PCNX1: variants seen among roughly 807,000 people sequenced by gnomAD.
PCNX1 encodes the protein pecanex-like protein 1.
Under a neutral mutation model 242.2 loss-of-function variants are expected in PCNX1, and 78 were observed. The ratio of observed to expected loss-of-function variants is 0.32; its 90% confidence interval spans 0.27 to 0.39. The LOEUF is 0.39. Among genes scored for constraint, PCNX1 ranks in the 10% least tolerant of loss-of-function variants. PCNX1 has a pLI of 1.00. For synonymous variants in PCNX1, 1,024 were observed against 1,032.9 expected, an observed-to-expected ratio of 0.99 and a Z score of 0.17; for missense variants, 2,581 against 2,856.5, an observed-to-expected ratio of 0.90 and a Z score of 2.20.
intron 26 of PCNX1, among the ~76,000 whole-genome samples, chr14:71,059,381 A>G (rs2061266056): frequency 6.6e-6 from 1 of 151,658 alleles, no homozygotes; most frequent in Admixed American, 6.6e-5. Context: ...TAACTCAGAC[A>G]TTAGCATTTT....
At position 70,977,691 on chromosome 14, in the gene PCNX1, G is replaced by A; in HGVS notation, c.1354G>A (p.Glu452Lys). 4 of 1,614,146 alleles carry A rather than the reference G, an allele frequency of 2.5e-6. No homozygotes were observed. Among genetic ancestry groups the A allele is most frequent in the Non-Finnish European group, 3.4e-6 (4 of 1,180,034 alleles). Residue 452 changes from glutamate (E) to lysine (K), a missense_variant, in exon 6 of 36, where the codon GAA (glutamate) becomes AAA (lysine). Around this residue, in one of 9 missense-constraint regions of PCNX1, gnomAD observed 1,204 missense variants for 1,216.7 expected, o/e 0.99. Transcript: ENST00000304743. ...TGCCAGTGACAAAAGGACTAGCAGT[G>A]AAAAGATTGCTATGGAAGCGAGTAC... ...SCASDKRTSS[E>K]KIAMEASTNS...
chr14:70,921,525 T>C (rs1165697120), intron 1 of PCNX1, among the ~76,000 whole-genome samples: 3 of 152,138 alleles, frequency 2.0e-5, no homozygotes, highest in Non-Finnish European at 4.4e-5. Context: ...AGAATAAAGA[T>C]AGCTAATCTT....
At chr14:71,020,600 T>C (rs1477061207) in intron 12 of PCNX1, among the ~76,000 whole-genome samples, 1 of 152,244 alleles carries the variant, frequency 6.6e-6, no homozygotes. Flanking sequence ...GTTCATATCC[T>C]TCACCCACTT....
At chr14:71,076,977 G>A (rs2061733693) in intron 28 of PCNX1, among the ~76,000 whole-genome samples, 1 of 152,120 alleles carries the variant, frequency 6.6e-6, no homozygotes, top group Non-Finnish European at 1.5e-5. Flanking sequence ...TACCATATTA[G>A]ACAGTGTGCA....
intron 1 of PCNX1, among the ~76,000 whole-genome samples, chr14:70,910,551 TGGC>T (rs2055854431): frequency 1.3e-5 from 2 of 152,132 alleles, no homozygotes; most frequent in African/African-American, 4.8e-5. Flanking sequence ...GATACCTGTG[TGGC>T]TGCTCCACTT....
intron 5 of PCNX1, among the ~76,000 whole-genome samples, chr14:70,969,658 C>A (rs554031174): frequency 5.9e-5 from 9 of 152,288 alleles, no homozygotes; most frequent in African/African-American, 2.2e-4. Flanking sequence ...CCCTATCTAA[C>A]CCTATATCCC....
Position 70,907,803 on chromosome 14 carries a change from C to A in PCNX1, c.-48C>A. ...GACCGAGGCCGAGCTGGGGCCGGGGCGGGGACGGCGGCGGCGGCGGCGGCG... is the reference window on the plus strand; with the variant it reads ...GACCGAGGCCGAGCTGGGGCCGGGGAGGGGACGGCGGCGGCGGCGGCGGCG... On this transcript the variant is annotated 5_prime_UTR_variant, in exon 1 of 36. Transcript: ENST00000304743. 8.2e-7 allele frequency: 1 copy of A among 1,220,544 alleles called. No individual in the cohort carries two copies. Among genetic ancestry groups the A allele is most frequent in the Non-Finnish European group, 1.0e-6 (1 of 979,872 alleles). 75.6% of individuals were successfully genotyped at this position (1,220,544 alleles called of 1,614,324 possible).
intron 26 of PCNX1, among the ~76,000 whole-genome samples, chr14:71,066,361 T>C (rs922159867): frequency 6.6e-6 from 1 of 152,232 alleles, no homozygotes; most frequent in Non-Finnish European, 1.5e-5. Context: ...AGGTATTTTA[T>C]TCTCTTTGTA....
Position 71,036,078 on chromosome 14 carries a change from A to C in PCNX1, c.3788A>C (p.Gln1263Pro). The C allele has an allele frequency of 1.2e-6, 2 of 1,600,216 alleles. No individual in the cohort carries two copies. Among genetic ancestry groups the C allele is most frequent in the Non-Finnish European group, 1.7e-6 (2 of 1,167,620 alleles). The change falls in exon 19 of 36, where the codon CAG becomes CCG. Residue 1263 changes from glutamine to proline, a missense_variant. By Grantham distance (76) the Gln-to-Pro change is moderately conservative. Transcript: ENST00000304743. ...KLRNSVSERL[Q>P]SDLVVCIVIG... The stretch of plus-strand genomic sequence containing the variant: ...TTTTCCCCACAGAGTGAGCGATTAC[A>C]GTCTGACCTGGTAGTATGCATTGTA...
intron 28 of PCNX1, among the ~76,000 whole-genome samples, chr14:71,084,507 C>T (rs1020327223): frequency 2.0e-5 from 3 of 152,172 alleles, no homozygotes; most frequent in Non-Finnish European, 4.4e-5. Context: ...ATCTATAAGC[C>T]GCTGACTGGG....
At chr14:71,104,478 A>G (rs556613521) in intron 32 of PCNX1, among the ~76,000 whole-genome samples, 8 of 152,164 alleles carry the variant, frequency 5.3e-5, no homozygotes, top group Non-Finnish European at 1.0e-4. Flanking sequence ...AGAGTGCCCA[A>G]TTGTCCTCGT....
intron 26 of PCNX1, among the ~76,000 whole-genome samples, chr14:71,065,581 C>T (rs796921899): frequency 2.6e-5 from 4 of 152,318 alleles, no homozygotes; most frequent in African/African-American, 9.6e-5. Context: ...CCTGCTCACT[C>T]TAATGATAGT....
At position 71,070,323 on chromosome 14, in the gene PCNX1, TCCTC is replaced by T. The variant is rs869110065; in HGVS notation, c.4853-3219_4853-3216del. Among the ~76,000 whole-genome samples, 25 of 152,310 alleles carry T rather than the reference TCCTC, an allele frequency of 1.6e-4. 3 individuals are homozygous for T. The highest frequency in any genetic ancestry group is 5.5e-4 in the African/African-American group (23 of 41,576). On this transcript the variant is annotated intron_variant, in intron 26 of 35. Coordinates refer to ENST00000304743, the MANE Select transcript of PCNX1 (RefSeq NM_014982.3). ...TCCTATTAGTGTTGACATTTTGACC[TCCTC>T]CCATGAATCATGAATGTCCTTACTG...
intron 26 of PCNX1, among the ~76,000 whole-genome samples, chr14:71,060,315 TAAAC>T (rs2061294574): frequency 6.6e-6 from 1 of 152,190 alleles, no homozygotes; most frequent in Non-Finnish European, 1.5e-5. Flanking sequence ...ATAATGATAA[TAAAC>T]AACTATGTGT....
chr14:71,020,392 C>T (rs1467921446), intron 12 of PCNX1, among the ~76,000 whole-genome samples: 3 of 152,188 alleles, frequency 2.0e-5, no homozygotes, highest in Admixed American at 1.3e-4. Context: ...AGTTTACAGT[C>T]CCACCAACAG....
rs2062690461 is a variant in PCNX1, at chr14:71,108,759, A to G, written c.6457A>G (p.Thr2153Ala). The G allele has an allele frequency of 2.5e-6, 4 of 1,614,190 alleles. No individual in the cohort carries two copies. The highest frequency in any genetic ancestry group is 3.4e-6 in the Non-Finnish European group (4 of 1,180,030). ...GTTTGTGCCTTGTCGGCGCTCTTCTACTAGTCAGATATCGCTTCGAAACTT... is the reference window on the plus strand; with the variant it reads ...GTTTGTGCCTTGTCGGCGCTCTTCTGCTAGTCAGATATCGCTTCGAAACTT... The part of the protein sequence containing the change: ...TGFVPCRRSS[T>A]SQISLRNLPS... Residue 2153 changes from threonine to alanine, a missense_variant, in exon 34 of 36, where the codon ACT (threonine) becomes GCT (alanine). Physicochemically the swap from Thr to Ala is moderately conservative, Grantham distance 58 (BLOSUM62 0). Transcript: ENST00000304743.
intron 1 of PCNX1, among the ~76,000 whole-genome samples, chr14:70,944,913 A>G (rs554609200): frequency 4.6e-5 from 7 of 152,178 alleles, no homozygotes; most frequent in Admixed American, 2.6e-4. Flanking sequence ...TTCTGCCATG[A>G]TTGTAAGTTT....
At chr14:71,023,690 T>C (rs1223114906) in intron 13 of PCNX1, among the ~76,000 whole-genome samples, 2 of 152,108 alleles carry the variant, frequency 1.3e-5, no homozygotes, top group African/African-American at 2.4e-5. Flanking sequence ...ATAAAAACTT[T>C]GTTATTCACT....
chr14:71,089,500 T>C (rs1355904171), intron 30 of PCNX1, among the ~76,000 whole-genome samples, 158 bp downstream of exon 30: 1 of 151,946 alleles, frequency 6.6e-6, no homozygotes, highest in Non-Finnish European at 1.5e-5. Context: ...TCCACAGGGG[T>C]GGGGAGGCCT....
Sources: gnomAD v4.1 joint callset for allele counts (sites outside exome capture counted in the v4.1 genomes callset) on GRCh38, gnomAD v4.1.1 for gene constraint, gnomAD v4.1.1 regional missense constraint, MANE v1.5 for transcripts, NCBI Gene and HGNC (gene_info 2026-07-23, HGNC 2026-07-21) for gene names.